Variants in PPP1R8 observed in about 807,000 individuals in gnomAD.
PPP1R8 encodes the protein protein phosphatase 1 regulatory subunit 8.
A neutral mutation model predicts 31.3 loss-of-function variants in PPP1R8; 4 were observed. That is an observed-to-expected ratio of 0.13 (90% CI 0.06 to 0.29). The LOEUF is 0.29. PPP1R8 is among the 10% of genes least tolerant of loss of function. PPP1R8 has a pLI of 1.00. For synonymous variants in PPP1R8, 170 were observed against 169.7 expected (o/e 1.00, Z -0.01); for missense variants, 254 against 440.1 (o/e 0.58, Z 3.78).
chr1:27,847,152 C>T (rs564448894), intron 6 of PPP1R8, 60 bp downstream of exon 6: 28 of 1,537,124 alleles, frequency 1.8e-5, no homozygotes, highest in Admixed American at 6.7e-5. Context: ...TTAGGCCAGG[C>T]GCGTTGGCTT....
In PPP1R8 at chr1:27,832,740, T is replaced by G; in HGVS notation, c.57-16T>G. ...AACCCATCCTGAAAATGCTTTTTTC[T>G]ATTTTTATTTTTCAGGGCAGGTAAG... is the stretch of plus-strand genomic sequence containing the variant. On this transcript the variant is annotated splice_polypyrimidine_tract_variant and intron_variant, in intron 1 of 6. Transcript: ENST00000311772. 5 of 1,603,904 alleles carry G rather than the reference T, an allele frequency of 3.1e-6. No homozygotes were observed. Among genetic ancestry groups the G allele is most frequent in the Non-Finnish European group, 4.3e-6 (5 of 1,173,862 alleles).
chr1:27,843,219 C>T lies in PPP1R8; in HGVS notation c.526C>T (p.Arg176Trp). The change falls in exon 5 of 7, where the codon CGG becomes TGG. Residue 176 changes from arginine (R) to tryptophan (W), a missense_variant. Coordinates refer to ENST00000311772, the MANE Select transcript of PPP1R8 (RefSeq NM_014110.5). ...LTEFNTAHNK[R>W]ISTLTIEEGN... Reference sequence around the variant, plus strand: ...AGAGTTCAACACTGCCCACAACAAGCGGATTTCTACCCTTACCATTGAGGA... The same window carrying T: ...AGAGTTCAACACTGCCCACAACAAGTGGATTTCTACCCTTACCATTGAGGA... 2 of 1,614,116 alleles carry T rather than the reference C, an allele frequency of 1.2e-6. No homozygotes were observed. The highest frequency in any genetic ancestry group is 1.7e-6 in the Non-Finnish European group (2 of 1,180,022).
At chr1:27,844,963 G>C (rs1311435150) in intron 5 of PPP1R8, among the ~76,000 whole-genome samples, 5 of 121,698 alleles carry the variant, frequency 4.1e-5, no homozygotes, top group African/African-American at 1.6e-4. Flanking sequence ...TCGATCTCCT[G>C]ACCTCGTGAT....
Position 27,850,275 on chromosome 1 carries a change from A to C in PPP1R8, c.885A>C (p.Pro295=). Residue 295 remains proline, a synonymous_variant, in exon 7 of 7, where the codon CCA becomes CCC. Coordinates refer to ENST00000311772, the MANE Select transcript of PPP1R8 (RefSeq NM_014110.5). The part of the protein sequence containing the change: ...ALIGGLPMPY[P]NLAPDVDLTP... The stretch of plus-strand genomic sequence containing the variant: ...TCGGTGGCTTGCCCATGCCATACCC[A>C]AACCTTGCCCCTGATGTGGACTTGA... The C allele has an allele frequency of 6.2e-7, 1 of 1,614,184 alleles. No homozygotes were observed. The highest frequency in any genetic ancestry group is 8.5e-7 in the Non-Finnish European group (1 of 1,180,026).
intron 6 of PPP1R8, among the ~76,000 whole-genome samples, chr1:27,847,417 G>T (rs999205710): frequency 6.6e-6 from 1 of 151,650 alleles, no homozygotes; most frequent in African/African-American, 2.4e-5. Flanking sequence ...TGAGGCAGGA[G>T]AATCGCTTGA....
At chr1:27,845,938 C>T (rs186064606) in intron 5 of PPP1R8, among the ~76,000 whole-genome samples, 25 of 151,590 alleles carry the variant, frequency 1.6e-4, no homozygotes, top group African/African-American at 3.6e-4. Flanking sequence ...TACAGGTGCA[C>T]GCCACCACAC....
chr1:27,831,517 G>A (rs948156593), intron 1 of PPP1R8, among the ~76,000 whole-genome samples: 27 of 152,144 alleles, frequency 1.8e-4, no homozygotes, highest in African/African-American at 6.3e-4. Context: ...GGTACAAGTT[G>A]AATAAATATG....
intron 2 of PPP1R8, among the ~76,000 whole-genome samples, chr1:27,837,988 G>A (rs2089186965): frequency 1.3e-5 from 2 of 151,844 alleles, no homozygotes; most frequent in Non-Finnish European, 2.9e-5. Context: ...GAGATGGGCG[G>A]ATCATAAGGT....
rs1325430556 is a variant in PPP1R8 at position 27,838,725 on chromosome 1, T to C, written c.144T>C (p.Tyr48=). 2 of 1,586,742 alleles carry C rather than the reference T, an allele frequency of 1.3e-6. No individual in the cohort carries two copies. The highest frequency in any genetic ancestry group is 3.5e-5 in the Admixed American group (2 of 57,334). Residue 48 remains tyrosine, a synonymous_variant, in exon 3 of 7, where the codon TAT becomes TAC. Coordinates refer to ENST00000311772, the MANE Select transcript of PPP1R8 (RefSeq NM_014110.5). ...IEKLIIDEKK[Y]YLFGRNPDLC... ...AACTGATTATTGATGAGAAGAAGTATTACTTATTTGGGAGAAACCCTGATT... is the reference window on the plus strand; with the variant it reads ...AACTGATTATTGATGAGAAGAAGTACTACTTATTTGGGAGAAACCCTGATT...
chr1:27,850,237 G>A lies in PPP1R8; in HGVS notation c.847G>A (p.Gly283Arg). The change falls in exon 7 of 7, where the codon GGG (glycine) becomes AGG (arginine). Residue 283 changes from glycine to arginine, a missense_variant. Transcript: ENST00000311772. The part of the protein sequence containing the change: ...EAGSQPHGIH[G>R]TALIGGLPMP... ...AGGCTCCCAGCCACATGGCATCCAT[G>A]GGACAGCACTCATCGGTGGCTTGCC... 6.2e-7 allele frequency: 1 copy of A among 1,614,222 alleles called. No homozygotes were observed. Among genetic ancestry groups the A allele is most frequent in the Non-Finnish European group, 8.5e-7 (1 of 1,180,032 alleles).
In PPP1R8 at chr1:27,845,909, C is replaced by T. The variant is rs531646901; in HGVS notation, c.638-1119C>T. Among the ~76,000 whole-genome samples the T allele has an allele frequency of 2.4e-4, 36 of 150,890 alleles. No homozygotes were observed. The East Asian group carries it at 2.8e-3, about 12-fold the overall frequency. ...GGTTCACGCCATTCTCCTGCCTCAG[C>T]GTCCCGAGTAGCTGGGACTACAGGT... is the stretch of plus-strand genomic sequence containing the variant. On this transcript the variant is annotated intron_variant, in intron 5 of 6. Coordinates refer to ENST00000311772, the MANE Select transcript of PPP1R8 (RefSeq NM_014110.5).
intron 1 of PPP1R8, among the ~76,000 whole-genome samples, chr1:27,832,101 G>A (rs2089115515): frequency 6.6e-6 from 1 of 152,178 alleles, no homozygotes; most frequent in Non-Finnish European, 1.5e-5. Context: ...TTAGGATCTG[G>A]TAGGTACCAG....
chr1:27,849,274 G>A (rs2089315880), intron 6 of PPP1R8, among the ~76,000 whole-genome samples: 1 of 151,588 alleles, frequency 6.6e-6, no homozygotes, highest in African/African-American at 2.4e-5. Context: ...CGGAGGCTGA[G>A]GCAGGAGAAT....
At chr1:27,842,148 C>T (rs1018953889) in intron 4 of PPP1R8, among the ~76,000 whole-genome samples, 2 of 152,178 alleles carry the variant, frequency 1.3e-5, no homozygotes, top group African/African-American at 4.8e-5. Context: ...CGAGACCAGC[C>T]TGGCCAACAT....
At chr1:27,842,296 C>T (rs1000052398) in intron 4 of PPP1R8, among the ~76,000 whole-genome samples, 17 of 149,470 alleles carry the variant, frequency 1.1e-4, no homozygotes, top group Admixed American at 1.0e-3. Flanking sequence ...GAGCCAAGAT[C>T]GCGCAGTTGC....
intron 6 of PPP1R8, among the ~76,000 whole-genome samples, chr1:27,849,389 A>T (rs1014611978): frequency 4.0e-4 from 61 of 152,060 alleles, no homozygotes; most frequent in African/African-American, 1.1e-3. Context: ...AAAAAAAAAA[A>T]AAATTGCACA....
At chr1:27,845,119 G>A (rs564956332) in intron 5 of PPP1R8, among the ~76,000 whole-genome samples, 41 of 143,302 alleles carry the variant, frequency 2.9e-4, no homozygotes, top group African/African-American at 1.0e-3. Flanking sequence ...GGCCGGGCAC[G>A]GTGGCTCACC....
chr1:27,840,938 G>T (rs541815918), intron 3 of PPP1R8, 76 bp from the exon 4 acceptor site: 2 of 1,453,112 alleles, frequency 1.4e-6, no homozygotes, highest in Non-Finnish European at 1.9e-6. Flanking sequence ...TAAGAGAGTT[G>T]GCGATCATAC....
intron 3 of PPP1R8, among the ~76,000 whole-genome samples, chr1:27,840,103 G>T (rs1339206090): frequency 1.3e-5 from 2 of 152,060 alleles, no homozygotes; most frequent in Non-Finnish European, 2.9e-5. Context: ...ATTAATTGAA[G>T]TATCCATAAG....
Sources: gnomAD v4.1 joint callset for allele counts (sites outside exome capture counted in the v4.1 genomes callset) on GRCh38, gnomAD v4.1.1 for gene constraint, MANE v1.5 for transcripts, NCBI Gene and HGNC (gene_info 2026-07-23, HGNC 2026-07-21) for gene names.